The following GAD2 variants were observed in gnomAD, a reference collection of about 807,000 sequenced individuals.
The protein encoded by GAD2 is glutamate decarboxylase 2.
Under a neutral mutation model 80.1 loss-of-function variants are expected in GAD2, and 22 were observed. That is an observed-to-expected ratio of 0.27 (90% CI 0.20 to 0.39). The LOEUF is 0.39. Among genes scored for constraint, GAD2 ranks in the 10% least tolerant of loss-of-function variants. The pLI is 1.00. For missense variants in GAD2, 624 were observed against 738.4 expected, an observed-to-expected ratio of 0.85 and a Z score of 1.80; for synonymous variants, 274 against 256.9, an observed-to-expected ratio of 1.07 and a Z score of -0.64.
chr10:26,290,313 T>C (rs938367024), intron 13 of GAD2, among the ~76,000 whole-genome samples: 1 of 152,078 alleles, frequency 6.6e-6, no homozygotes, highest in African/African-American at 2.4e-5. Context: ...ACAAAAGAAA[T>C]CCAGACACAT....
chr10:26,258,514 G>A (rs552506852), intron 8 of GAD2, among the ~76,000 whole-genome samples: 2 of 152,072 alleles, frequency 1.3e-5, no homozygotes, highest in African/African-American at 4.8e-5. Context: ...TTGAAATTCC[G>A]TGCTCATTTA....
At position 26,217,307 on chromosome 10, in the gene GAD2, T is replaced by A. The variant is rs945909846; in HGVS notation, c.77-303T>A. ...CGAAAAAATGGATAGCTTCAGTGTT[T>A]AGGAAAACTCGTCCAAGGTAGGCAG... is the stretch of plus-strand genomic sequence containing the variant. On this transcript the variant is annotated intron_variant, in intron 1 of 15. Coordinates refer to ENST00000376261, the MANE Select transcript of GAD2 (RefSeq NM_001134366.2). The surrounding 1 kb of genome is among the most constrained non-coding windows in gnomAD (Gnocchi z 4.9). Among the ~76,000 whole-genome samples, 1 of 152,142 alleles carries A rather than the reference T, an allele frequency of 6.6e-6. No homozygotes were observed. The highest frequency in any genetic ancestry group is 1.9e-4 in the East Asian group (1 of 5,188).
chr10:26,250,137 C>T (rs1450058143), intron 8 of GAD2, among the ~76,000 whole-genome samples: 1 of 152,024 alleles, frequency 6.6e-6, no homozygotes, highest in Non-Finnish European at 1.5e-5. Context: ...TCTCAGCCTC[C>T]TTAGTAGATG....
At position 26,292,506 on chromosome 10, in the gene GAD2, G is replaced by A. The variant is rs1251442424; in HGVS notation, c.1428G>A (p.Glu476=). 6.2e-7 allele frequency: 1 copy of A among 1,614,060 alleles called. No homozygotes were observed. The highest frequency in any genetic ancestry group is 1.7e-5 in the Admixed American group (1 of 60,026). The part of the protein sequence containing the change: ...GFEAHVDKCL[E]LAEYLYNIIK... ...AAGCGCATGTTGATAAATGTTTGGAGTTGGCAGAGTATTTATACAACATCA... is the reference window on the plus strand; with the variant it reads ...AAGCGCATGTTGATAAATGTTTGGAATTGGCAGAGTATTTATACAACATCA... Residue 476 remains glutamate (E), a synonymous_variant, in exon 14 of 16, where the codon GAG becomes GAA. Coordinates refer to ENST00000376261, the MANE Select transcript of GAD2 (RefSeq NM_001134366.2).
At chr10:26,254,425 G>A (rs1215618766) in intron 8 of GAD2, among the ~76,000 whole-genome samples, 2 of 152,156 alleles carry the variant, frequency 1.3e-5, no homozygotes, top group Non-Finnish European at 1.5e-5. Flanking sequence ...GGGCTCAGGC[G>A]GGAATGCTGG....
At chr10:26,279,822 A>G (rs1845252025) in intron 11 of GAD2, among the ~76,000 whole-genome samples, 1 of 152,228 alleles carries the variant, frequency 6.6e-6, no homozygotes, top group Non-Finnish European at 1.5e-5. Flanking sequence ...GGAACCACAC[A>G]CATCTCACCT....
intron 15 of GAD2, among the ~76,000 whole-genome samples, chr10:26,295,851 A>T (rs986363430): frequency 2.0e-5 from 3 of 152,208 alleles, no homozygotes; most frequent in African/African-American, 7.2e-5. Context: ...AACCAAAAGA[A>T]CAAAGTTAAA....
chr10:26,288,978 T>C (rs1243000255), intron 13 of GAD2, among the ~76,000 whole-genome samples: 3 of 152,202 alleles, frequency 2.0e-5, no homozygotes, highest in Non-Finnish European at 4.4e-5. Flanking sequence ...TCACAGCCAC[T>C]GTGTTACTTA....
intron 8 of GAD2, among the ~76,000 whole-genome samples, chr10:26,247,629 C>G (rs2132289116): frequency 6.6e-6 from 1 of 152,186 alleles, no homozygotes; most frequent in South Asian, 2.1e-4. Context: ...GGGGCAGTGG[C>G]TCACGTCTGT....
chr10:26,220,713 T>C (rs1160088914), intron 4 of GAD2, among the ~76,000 whole-genome samples: 1 of 152,246 alleles, frequency 6.6e-6, no homozygotes, highest in African/African-American at 2.4e-5. Context: ...ACGTTAATAG[T>C]AAATTGCCAC....
At chr10:26,285,942 A>G (rs1426131979) in intron 12 of GAD2, among the ~76,000 whole-genome samples, 1 of 152,226 alleles carries the variant, frequency 6.6e-6, no homozygotes, top group African/African-American at 2.4e-5. Flanking sequence ...AAAACCAAAG[A>G]GTTTCCAAAA....
intron 15 of GAD2, among the ~76,000 whole-genome samples, chr10:26,296,757 T>TTG (rs1462803994): frequency 3.9e-5 from 6 of 152,224 alleles, no homozygotes; most frequent in African/African-American, 1.4e-4. Flanking sequence ...CTGTCAGCTT[T>TTG]TATAGTCCTA....
At chr10:26,223,752 C>T (rs1293287972) in intron 4 of GAD2, 135 bp from the exon 5 acceptor site, 1 of 568,206 alleles carries the variant, frequency 1.8e-6, no homozygotes, top group Non-Finnish European at 3.2e-6. Context: ...CACGTGTGTA[C>T]ATGTTGGATT....
chr10:26,253,187 G>A (rs1431495176), intron 8 of GAD2, among the ~76,000 whole-genome samples: 1 of 152,168 alleles, frequency 6.6e-6, no homozygotes, highest in Non-Finnish European at 1.5e-5. Flanking sequence ...TCATTTTGAT[G>A]TGAAGCATTA....
At chr10:26,227,398 G>T (rs1844541116) in intron 6 of GAD2, among the ~76,000 whole-genome samples, 1 of 152,234 alleles carries the variant, frequency 6.6e-6, no homozygotes, top group South Asian at 2.1e-4. Flanking sequence ...CTCACTCAGA[G>T]CTGCTGAGCC....
At chr10:26,224,299 C>T (rs1844492759) in intron 5 of GAD2, among the ~76,000 whole-genome samples, 1 of 152,022 alleles carries the variant, frequency 6.6e-6, no homozygotes, top group African/African-American at 2.4e-5. Flanking sequence ...TTTATTTATT[C>T]AATACAATAA....
At chr10:26,290,101 A>T (rs777168882) in intron 13 of GAD2, among the ~76,000 whole-genome samples, 2 of 152,182 alleles carry the variant, frequency 1.3e-5, no homozygotes, top group African/African-American at 2.4e-5. Context: ...GGAAAAAAAT[A>T]TTAAAGGGAA....
intron 11 of GAD2, among the ~76,000 whole-genome samples, chr10:26,276,548 ATTTG>A (rs1353624929): frequency 2.0e-5 from 3 of 151,752 alleles, no homozygotes; most frequent in East Asian, 1.9e-4. Flanking sequence ...TGCCTGGCCA[ATTTG>A]TTTGTTTGTA....
chr10:26,226,577 T>G (rs1312023894), intron 6 of GAD2, among the ~76,000 whole-genome samples: 2 of 152,220 alleles, frequency 1.3e-5, no homozygotes, highest in Non-Finnish European at 2.9e-5. Context: ...TGGCTATGGA[T>G]GCTATTCCCG....
Sources: gnomAD v4.1 joint callset for allele counts (sites outside exome capture counted in the v4.1 genomes callset) on GRCh38, gnomAD v4.1.1 for gene constraint, Gnocchi (gnomAD v3.1) non-coding constraint, MANE v1.5 for transcripts, NCBI Gene and HGNC (gene_info 2026-07-23, HGNC 2026-07-21) for gene names.